VRK2: variants seen among roughly 807,000 people sequenced by gnomAD.
VRK2 encodes serine/threonine-protein kinase VRK2.
VRK2 carries 60 observed loss-of-function variants against 57.6 expected under a neutral mutation model. The ratio of observed to expected loss-of-function variants is 1.04; its 90% CI spans 0.85 to 1.29. VRK2 has a LOEUF of 1.29. Among genes scored for constraint, VRK2 ranks in the 50% most tolerant of loss-of-function variants. The pLI is 0.00. For synonymous variants in VRK2, 231 were observed against 199.2 expected, an observed-to-expected ratio of 1.16 and a Z score of -1.35; for missense variants, 705 against 588.1, an observed-to-expected ratio of 1.20 and a Z score of -2.06.
intron 1 of VRK2, among the ~76,000 whole-genome samples, chr2:57,978,001 T>C (rs1672302016): frequency 6.6e-6 from 1 of 151,392 alleles, no homozygotes. Context: ...TTATTTCTGC[T>C]TATGTGATGA....
chr2:57,936,760 A>T (rs1265685705), intron 1 of VRK2, among the ~76,000 whole-genome samples: 3 of 152,138 alleles, frequency 2.0e-5, no homozygotes, highest in Non-Finnish European at 4.4e-5. Context: ...TATTGATTGG[A>T]TAAATAAATG....
intron 1 of VRK2, among the ~76,000 whole-genome samples, chr2:57,963,259 C>T (rs115252766): frequency 1.3e-3 from 196 of 152,226 alleles, no homozygotes; most frequent in African/African-American, 4.4e-3. Context: ...TAAAGCTCAG[C>T]TCATGTGTCT....
intron 1 of VRK2, among the ~76,000 whole-genome samples, chr2:57,938,363 G>T (rs1174398355): frequency 1.3e-5 from 2 of 152,138 alleles, no homozygotes; most frequent in African/African-American, 4.8e-5. Flanking sequence ...CACAGTCTTG[G>T]AAATCTTCAA....
chr2:57,956,310 A>G (rs1482408298), intron 1 of VRK2, among the ~76,000 whole-genome samples: 1 of 152,176 alleles, frequency 6.6e-6, no homozygotes, highest in Admixed American at 6.6e-5. Flanking sequence ...GCTTGAGCCC[A>G]GAAGTTAGAG....
At chr2:58,139,167 C>A (rs1680961260) in intron 10 of VRK2, among the ~76,000 whole-genome samples, 1 of 152,114 alleles carries the variant, frequency 6.6e-6, no homozygotes, top group African/African-American at 2.4e-5. Context: ...TAGCTAACAA[C>A]ATGGAATTCA....
chr2:58,130,692 A>T (rs1192202124), intron 8 of VRK2, among the ~76,000 whole-genome samples: 1 of 152,186 alleles, frequency 6.6e-6, no homozygotes, highest in African/African-American at 2.4e-5. Flanking sequence ...CATGAAAGAT[A>T]ATAAAATAGG....
Position 58,041,046 on chromosome 2 carries a change from T to A in VRK2, c.-6+7493T>A, listed in dbSNP as rs190691238. On this transcript the variant is annotated intron_variant, in intron 3 of 15. Coordinates refer to the VRK2 transcript ENST00000417641. Reference sequence around the variant, plus strand: ...TTCTCCTCCTTATCCAGCTCATGTTTTTGGTTACTGCAGGGATGTTAACTG... The same window carrying A: ...TTCTCCTCCTTATCCAGCTCATGTTATTGGTTACTGCAGGGATGTTAACTG... The A allele has an allele frequency of 3.1e-4, 310 of 985,308 alleles. 6 individuals are homozygous for A. In the South Asian group the frequency reaches 0.013, roughly 40 times the overall value. The allele number at this position is 985,308 out of a possible 1,614,324, so 61.0% of individuals were successfully genotyped here.
At chr2:58,147,129 G>A (rs764912927) in intron 12 of VRK2, 7 of 517,478 alleles carry the variant, frequency 1.4e-5, no homozygotes. Context: ...ACCCCACCTT[G>A]TATACCCTAC....
At chr2:57,934,304 GTAAGACATGTC>G (rs1220305267) in intron 1 of VRK2, among the ~76,000 whole-genome samples, 2 of 152,246 alleles carry the variant, frequency 1.3e-5, no homozygotes, top group African/African-American at 4.8e-5. Context: ...AGCATTTCTT[GTAAGACATGTC>G]TAATGGTGAT....
chr2:58,014,013 A>C (rs957327024), intron 1 of VRK2, among the ~76,000 whole-genome samples: 1 of 152,128 alleles, frequency 6.6e-6, no homozygotes, highest in Admixed American at 6.6e-5. Flanking sequence ...CTTTCAGGAG[A>C]TAATAGAAAT....
intron 1 of VRK2, among the ~76,000 whole-genome samples, chr2:57,938,327 T>C (rs1670982964): frequency 6.6e-6 from 1 of 152,188 alleles, no homozygotes; most frequent in South Asian, 2.1e-4. Context: ...CTGAACTAAA[T>C]ACTTTGGAGA....
intron 1 of VRK2, among the ~76,000 whole-genome samples, chr2:57,996,957 C>T (rs1231897282): frequency 6.6e-6 from 1 of 151,198 alleles, no homozygotes; most frequent in South Asian, 2.1e-4. Flanking sequence ...AAGATTCATT[C>T]AATAGGTAGA....
chr2:57,963,938 A>G (rs916643579), intron 1 of VRK2, among the ~76,000 whole-genome samples: 2 of 152,198 alleles, frequency 1.3e-5, no homozygotes, highest in African/African-American at 4.8e-5. Flanking sequence ...TCCAGGAACC[A>G]TTTAAACTGT....
intron 1 of VRK2, among the ~76,000 whole-genome samples, chr2:57,928,835 T>C (rs1001283591): frequency 3.3e-5 from 5 of 152,234 alleles, no homozygotes; most frequent in African/African-American, 4.8e-5. Context: ...TGGTCTTGGA[T>C]AAGATCCAGA....
intron 7 of VRK2, among the ~76,000 whole-genome samples, chr2:58,107,714 C>T (rs1674954999): frequency 1.3e-5 from 2 of 152,178 alleles, no homozygotes; most frequent in Admixed American, 6.5e-5. Flanking sequence ...TGTGAATCTT[C>T]ATTGTGGACA....
rs748308544 is a variant in VRK2, at chr2:58,089,719, A to G, written c.539A>G (p.Asp180Gly). The G allele has an allele frequency of 1.2e-6, 2 of 1,603,676 alleles. No individual in the cohort carries two copies. The highest frequency in any genetic ancestry group is 2.2e-5 in the South Asian group (2 of 90,162). The change falls in exon 7 of 13, where the codon GAC (aspartate) becomes GGC (glycine). Residue 180 changes from aspartate to glycine, a missense_variant. Coordinates refer to ENST00000340157, the MANE Select transcript of VRK2 (RefSeq NM_006296.7). ...ANLLLGYKNP[D>G]QVYLADYGLS... ...CTACTTTTGGGTTACAAAAATCCAG[A>G]CCAGGTAAATACATACTTTTGCTTT...
chr2:58,084,732 A>T (rs1573008447), intron 3 of VRK2, 149 bp from the exon 4 acceptor site: 1 of 510,480 alleles, frequency 2.0e-6, no homozygotes, highest in East Asian at 3.7e-5. Context: ...TGAGATTTTT[A>T]GTGGAAATCT....
chr2:57,921,286 GCACACACA>G (rs34924125), intron 1 of VRK2, among the ~76,000 whole-genome samples: 1 of 148,036 alleles, frequency 6.8e-6, no homozygotes, highest in Non-Finnish European at 1.5e-5. Flanking sequence ...TCTTAAGCGC[GCACACACA>G]CACACACACA....
intron 2 of VRK2, among the ~76,000 whole-genome samples, chr2:58,032,306 A>G (rs1674137445): frequency 6.6e-6 from 1 of 152,126 alleles, no homozygotes; most frequent in Admixed American, 6.6e-5. Context: ...TTTATAAACA[A>G]AAGATTTATT....
Sources: gnomAD v4.1 joint callset for allele counts (sites outside exome capture counted in the v4.1 genomes callset) on GRCh38, gnomAD v4.1.1 for gene constraint, MANE v1.5 for transcripts, NCBI Gene and HGNC (gene_info 2026-07-23, HGNC 2026-07-21) for gene names.